GALNT7: variants seen among roughly 807,000 people sequenced by gnomAD.
GALNT7 encodes polypeptide N-acetylgalactosaminyltransferase 7.
In GALNT7, 60 loss-of-function variants were observed where a neutral mutation model predicts 82.1. The observed-to-expected ratio is 0.73, with a 90% CI of 0.59 to 0.91. The LOEUF (loss-of-function observed/expected upper bound fraction) is 0.91. Ranked by LOEUF, GALNT7 falls within the 40% of genes least tolerant of loss-of-function variation. The pLI, the probability that GALNT7 is intolerant of heterozygous loss-of-function variation, is 0.00. For missense variants in GALNT7, 660 were observed against 804.2 expected, an observed-to-expected ratio of 0.82 and a Z score of 2.17; for synonymous variants, 243 against 275.1, an observed-to-expected ratio of 0.88 and a Z score of 1.15.
Position 173,259,054 on chromosome 4 carries a change from G to A in GALNT7, c.587+10614G>A, listed in dbSNP as rs1428966777. On this transcript the variant is annotated intron_variant, in intron 2 of 11. Coordinates refer to ENST00000265000, the MANE Select transcript of GALNT7 (RefSeq NM_017423.3). ...CTAGATGTCAGGAACACACACATCCGCTTCCACCTCCCTAGTTGTGACAAC... is the reference window on the plus strand; with the variant it reads ...CTAGATGTCAGGAACACACACATCCACTTCCACCTCCCTAGTTGTGACAAC... Among the ~76,000 whole-genome samples, 5 of 152,156 alleles carry A rather than the reference G, an allele frequency of 3.3e-5. No homozygotes were observed. The South Asian group carries it at 6.2e-4, about 19-fold the overall frequency.
chr4:173,225,432 T>C (rs1431732892), intron 1 of GALNT7, among the ~76,000 whole-genome samples: 1 of 152,234 alleles, frequency 6.6e-6, no homozygotes, highest in Non-Finnish European at 1.5e-5. Flanking sequence ...TTTCATAGGC[T>C]ATCATTATCC....
At chr4:173,178,021 G>A (rs1732110187) in intron 1 of GALNT7, among the ~76,000 whole-genome samples, 1 of 111,530 alleles carries the variant, frequency 9.0e-6, no homozygotes, top group African/African-American at 3.9e-5. Context: ...GTGTGTGTGT[G>A]TGTGTGTGTG....
intron 8 of GALNT7, among the ~76,000 whole-genome samples, chr4:173,305,728 C>A (rs1357437492): frequency 6.6e-6 from 1 of 152,018 alleles, no homozygotes; most frequent in Non-Finnish European, 1.5e-5. Context: ...TATTTCTGGC[C>A]TCTCTGTTCT....
Position 173,247,918 on chromosome 4 carries a change from T to C in GALNT7, c.127-62T>C, listed in dbSNP as rs183798521. The C allele has an allele frequency of 1.4e-4, 150 of 1,084,902 alleles. 2 individuals are homozygous for C. In the East Asian group the frequency reaches 2.5e-3, roughly 18 times the overall value. The allele number at this position is 1,084,902 out of a possible 1,614,324, so 67.2% of individuals were successfully genotyped here. ...TTTCAAAACCTGAAAATTGGTCTCA[T>C]GAGCTCTACTGTGGTGGTTTGCCTT... On this transcript the variant is annotated intron_variant, in intron 1 of 11. Transcript: ENST00000265000.
chr4:173,312,178 A>G (rs570011839), intron 8 of GALNT7, among the ~76,000 whole-genome samples: 80 of 152,344 alleles, frequency 5.3e-4, no homozygotes, highest in Non-Finnish European at 1.0e-4. Flanking sequence ...ATGATGTACA[A>G]GATTAAGGGA....
At chr4:173,216,295 A>G (rs1053270260) in intron 1 of GALNT7, among the ~76,000 whole-genome samples, 14 of 152,240 alleles carry the variant, frequency 9.2e-5, no homozygotes, top group African/African-American at 3.4e-4. Flanking sequence ...CATCCAAATA[A>G]TCAGCCAAAT....
intron 1 of GALNT7, among the ~76,000 whole-genome samples, chr4:173,206,806 G>A (rs1053600311): frequency 2.6e-5 from 4 of 152,188 alleles, no homozygotes; most frequent in Admixed American, 2.6e-4. Flanking sequence ...GTGCCCAGCT[G>A]AAAGTATTTT....
intron 2 of GALNT7, among the ~76,000 whole-genome samples, chr4:173,264,746 A>G (rs1735417217): frequency 6.6e-6 from 1 of 152,128 alleles, no homozygotes. Flanking sequence ...TGGGTGTTCC[A>G]CAATTGTTTC....
chr4:173,265,832 G>C (rs1735467792), intron 2 of GALNT7, among the ~76,000 whole-genome samples: 1 of 151,996 alleles, frequency 6.6e-6, no homozygotes, highest in African/African-American at 2.4e-5. Context: ...AAATGGCCCA[G>C]ATAAACTGCT....
Position 173,193,120 on chromosome 4 carries a change from G to T in GALNT7, c.126+24159G>T, listed in dbSNP as rs183299368. On this transcript the variant is annotated intron_variant, in intron 1 of 11. Coordinates refer to ENST00000265000, the MANE Select transcript of GALNT7 (RefSeq NM_017423.3). ...AAAAGAGATAAAAGAAAGATGATAT[G>T]GACAGGGACAAACAGACAAAAAGGC... Among the ~76,000 whole-genome samples, 7 of 152,316 alleles carry T rather than the reference G, an allele frequency of 4.6e-5. No homozygotes were observed. The East Asian group carries it at 1.3e-3, about 29-fold the overall frequency.
At chr4:173,279,975 A>G (rs1736052720) in intron 2 of GALNT7, among the ~76,000 whole-genome samples, 1 of 152,166 alleles carries the variant, frequency 6.6e-6, no homozygotes, top group South Asian at 2.1e-4. Flanking sequence ...CTCTGTCTCA[A>G]TAAAAAGGAA....
intron 2 of GALNT7, among the ~76,000 whole-genome samples, chr4:173,274,298 C>T (rs1218300090): frequency 1.3e-5 from 2 of 152,122 alleles, no homozygotes; most frequent in Non-Finnish European, 2.9e-5. Context: ...CTTAATTTTC[C>T]ATAACATAGT....
rs1227090736 is a variant in GALNT7, at chr4:173,322,342, G to A, written c.*625G>A. 1 of 152,630 alleles carries A rather than the reference G, an allele frequency of 6.6e-6. No individual in the cohort carries two copies. The highest frequency in any genetic ancestry group is 1.5e-5 in the Non-Finnish European group (1 of 68,054). The allele number at this position is 152,630 out of a possible 1,614,324, so 9.5% of individuals were successfully genotyped here. A position where few individuals can be genotyped will look rare whatever the true frequency, so the allele number is the denominator to read the frequency against. ...ATGATGGACTTGTCACCTGTATGGGGAATACTTTTACTACTCAGAAATGAA... is the reference window on the plus strand; with the variant it reads ...ATGATGGACTTGTCACCTGTATGGGAAATACTTTTACTACTCAGAAATGAA... On this transcript the variant is annotated 3_prime_UTR_variant, in exon 12 of 12. Transcript: ENST00000265000.
Position 173,292,692 on chromosome 4 carries a change from AG to A in GALNT7, c.754+420del, listed in dbSNP as rs373978045. On this transcript the variant is annotated intron_variant, in intron 3 of 11. Coordinates refer to ENST00000265000, the MANE Select transcript of GALNT7 (RefSeq NM_017423.3). The surrounding 1 kb of genome is among the most constrained non-coding windows in gnomAD (Gnocchi z 4.8). ...TGGATAAACCTTTGCTGGTTTTGCA[AG>A]GACATGATTAGAATCTTGAAACTGT... is the stretch of plus-strand genomic sequence containing the variant. Among the ~76,000 whole-genome samples the A allele has an allele frequency of 3.6e-4, 55 of 152,340 alleles. No individual in the cohort carries two copies. The highest frequency in any genetic ancestry group is 1.3e-3 in the African/African-American group (55 of 41,582).
intron 1 of GALNT7, among the ~76,000 whole-genome samples, chr4:173,182,555 G>A (rs1282131345): frequency 6.6e-6 from 1 of 152,104 alleles, no homozygotes; most frequent in South Asian, 2.1e-4. Context: ...GATAAAAAAT[G>A]TCAGTTGTAT....
intron 1 of GALNT7, among the ~76,000 whole-genome samples, chr4:173,182,817 T>TACACACACACACACACACACACAC (rs66792322): frequency 7.4e-6 from 1 of 134,820 alleles, no homozygotes; most frequent in African/African-American, 2.9e-5. Context: ...TTACTCATAA[T>TACACACACACACACACACACACAC]ACACACACAC....
chr4:173,170,279 C>T (rs1480548062), intron 1 of GALNT7, among the ~76,000 whole-genome samples: 2 of 152,230 alleles, frequency 1.3e-5, no homozygotes, highest in Non-Finnish European at 2.9e-5. Context: ...GTCGCTCTCT[C>T]TGTTGTAAAG....
intron 1 of GALNT7, among the ~76,000 whole-genome samples, chr4:173,203,479 A>C (rs114927082): frequency 0.023 from 3,557 of 152,312 alleles, 77 homozygotes; most frequent in African/African-American, 0.053. Flanking sequence ...ATTGACAGGT[A>C]AGGACTTATT....
At chr4:173,261,906 T>G (rs1295432188) in intron 2 of GALNT7, among the ~76,000 whole-genome samples, 2 of 152,146 alleles carry the variant, frequency 1.3e-5, no homozygotes, top group Admixed American at 1.3e-4. Flanking sequence ...ATATACAACA[T>G]TGAAATTAAA....
Sources: gnomAD v4.1 joint callset for allele counts (sites outside exome capture counted in the v4.1 genomes callset) on GRCh38, gnomAD v4.1.1 for gene constraint, Gnocchi (gnomAD v3.1) non-coding constraint, MANE v1.5 for transcripts, NCBI Gene and HGNC (gene_info 2026-07-23, HGNC 2026-07-21) for gene names.